Variants in DACH1 observed in about 807,000 individuals in gnomAD.
DACH1 encodes the protein dachshund homolog 1.
DACH1 carries 12 observed loss-of-function variants against 54.2 expected under a neutral mutation model. The ratio of observed to expected loss-of-function variants is 0.22; its 90% confidence interval spans 0.14 to 0.36. DACH1 has a LOEUF of 0.36. DACH1 is among the 10% of genes least tolerant of loss of function. The pLI is 1.00. For missense variants in DACH1, 805 were observed against 929.8 expected, an observed-to-expected ratio of 0.87 and a Z score of 1.75; for synonymous variants, 386 against 366.2, an observed-to-expected ratio of 1.05 and a Z score of -0.62.
intron 1 of DACH1, among the ~76,000 whole-genome samples, chr13:71,741,825 T>A (rs936165962): frequency 6.6e-6 from 1 of 152,078 alleles, no homozygotes; most frequent in Non-Finnish European, 1.5e-5. Context: ...AGTCAAAGAA[T>A]GAAACAGAAA....
intron 1 of DACH1, among the ~76,000 whole-genome samples, chr13:71,769,310 G>C (rs1362816883): frequency 6.6e-6 from 1 of 151,412 alleles, no homozygotes; most frequent in Non-Finnish European, 1.5e-5. Context: ...AATCTTCTAG[G>C]TTTATTCTAA....
chr13:71,644,986 A>AC (rs1168187646), intron 2 of DACH1, among the ~76,000 whole-genome samples: 1 of 152,226 alleles, frequency 6.6e-6, no homozygotes, highest in Non-Finnish European at 1.5e-5. Context: ...TGGAAAAAAA[A>AC]AATCAAGTTT....
At chr13:71,816,622 G>GTA (rs1303679976) in intron 1 of DACH1, among the ~76,000 whole-genome samples, 83 of 75,310 alleles carry the variant, frequency 1.1e-3, no homozygotes, top group East Asian at 2.6e-3. Flanking sequence ...ATATACACGT[G>GTA]TATATATACA....
intron 6 of DACH1, among the ~76,000 whole-genome samples, chr13:71,540,702 G>A (rs922008615): frequency 4.3e-4 from 65 of 152,002 alleles, no homozygotes; most frequent in African/African-American, 1.4e-3. Flanking sequence ...ACCTTATAGA[G>A]CTCTGAACAT....
intron 1 of DACH1, among the ~76,000 whole-genome samples, chr13:71,742,497 A>T (rs1390475853): frequency 1.3e-5 from 2 of 152,186 alleles, no homozygotes; most frequent in Non-Finnish European, 2.9e-5. Context: ...GTTAAATATG[A>T]GACATTCCTA....
In DACH1 at chr13:71,440,200, C is replaced by T. The variant is rs886911386; in HGVS notation, c.*455G>A. 1 of 152,084 alleles carries T rather than the reference C, an allele frequency of 6.6e-6. No homozygotes were observed. The highest frequency in any genetic ancestry group is 1.5e-5 in the Non-Finnish European group (1 of 68,060). The allele number at this position is 152,084 out of a possible 1,614,324, so 9.4% of individuals were successfully genotyped here. ...CCTCTATGCCCCCTACAAGTTCATTCGTTCATTCCAAGTGTTCTTGCTGGT... is the reference window on the plus strand; with the variant it reads ...CCTCTATGCCCCCTACAAGTTCATTTGTTCATTCCAAGTGTTCTTGCTGGT... On this transcript the variant is annotated 3_prime_UTR_variant, in exon 11 of 11. Transcript: ENST00000613252.
chr13:71,631,322 T>C (rs542885897), intron 2 of DACH1, among the ~76,000 whole-genome samples: 5 of 152,174 alleles, frequency 3.3e-5, no homozygotes, highest in Admixed American at 6.6e-5. Context: ...TCCCATTCCA[T>C]GGCCCCCAGC....
At chr13:71,600,885 T>C (rs1190044301) in intron 3 of DACH1, among the ~76,000 whole-genome samples, 1 of 152,030 alleles carries the variant, frequency 6.6e-6, no homozygotes, top group Non-Finnish European at 1.5e-5. Flanking sequence ...AAAAATTCAA[T>C]ACATTGCCCT....
chr13:71,786,279 A>G (rs1005811092), intron 1 of DACH1, among the ~76,000 whole-genome samples: 2 of 152,186 alleles, frequency 1.3e-5, no homozygotes, highest in African/African-American at 2.4e-5. Flanking sequence ...TGCCTTGTGT[A>G]TTATAGATCG....
rs1874721330 is a variant in DACH1 at position 71,865,903 on chromosome 13, G to A, written c.848+19C>T. ...GTGGGAAGGGGCGCGGGCGGCGGGGGCTATCCCCCCCGACTCACCTTGCGT... is the reference window on the plus strand; with the variant it reads ...GTGGGAAGGGGCGCGGGCGGCGGGGACTATCCCCCCCGACTCACCTTGCGT... On this transcript the variant is annotated intron_variant, in intron 1 of 10. Coordinates refer to ENST00000613252, the MANE Select transcript of DACH1 (RefSeq NM_080759.6). The A allele has an allele frequency of 1.9e-6, 3 of 1,575,298 alleles. No homozygotes were observed. The highest frequency in any genetic ancestry group is 1.7e-6 in the Non-Finnish European group (2 of 1,159,450).
rs113150742 is a variant in DACH1 at position 71,621,307 on chromosome 13, A to T, written c.1126+9249T>A. On this transcript the variant is annotated intron_variant, in intron 3 of 10. Coordinates refer to ENST00000613252, the MANE Select transcript of DACH1 (RefSeq NM_080759.6). The stretch of plus-strand genomic sequence containing the variant: ...TAGGCCACATTCTTTAGTCTGCAGA[A>T]CCAAAAAGGGAAAAAGTCCCTGTCG... Among the ~76,000 whole-genome samples, 32 of 152,154 alleles carry T rather than the reference A, an allele frequency of 2.1e-4. 1 individual carries two copies. Among genetic ancestry groups the T allele is most frequent in the African/African-American group, 7.5e-4 (31 of 41,526 alleles).
intron 3 of DACH1, among the ~76,000 whole-genome samples, chr13:71,581,341 T>C (rs1192911908): frequency 6.6e-6 from 1 of 152,210 alleles, no homozygotes; most frequent in South Asian, 2.1e-4. Flanking sequence ...CTCAGCTCAC[T>C]GCAACCTCTG....
chr13:71,703,711 A>G (rs1408659300), intron 1 of DACH1, among the ~76,000 whole-genome samples: 1 of 152,328 alleles, frequency 6.6e-6, no homozygotes, highest in South Asian at 2.1e-4. Flanking sequence ...AGGAAACTGC[A>G]TAGGACTAAG....
chr13:71,543,514 T>A (rs542492058), intron 6 of DACH1, among the ~76,000 whole-genome samples: 2 of 152,124 alleles, frequency 1.3e-5, no homozygotes, highest in Non-Finnish European at 2.9e-5. Flanking sequence ...AGAGAGACAT[T>A]GTTAAAATTC....
intron 10 of DACH1, among the ~76,000 whole-genome samples, chr13:71,470,231 T>C (rs956956916): frequency 6.6e-6 from 1 of 152,074 alleles, no homozygotes; most frequent in East Asian, 1.9e-4. Context: ...AAGTTAAAAA[T>C]GCAAACGAAG....
intron 1 of DACH1, among the ~76,000 whole-genome samples, chr13:71,803,748 G>A (rs1021227835): frequency 2.0e-5 from 3 of 152,140 alleles, no homozygotes; most frequent in African/African-American, 7.2e-5. Flanking sequence ...CAAAGAAATA[G>A]TAAGTTTGTA....
At position 71,567,381 on chromosome 13, in the gene DACH1, CA is replaced by C. The variant is rs78022524; in HGVS notation, c.1299+5458del. ...CTTTGCATACTATGCACTACAAACC[CA>C]AAAGTCCTGATTAAAATAAAGCTGC... On this transcript the variant is annotated intron_variant, in intron 4 of 10. Transcript: ENST00000613252. 6.9e-4 allele frequency among the ~76,000 whole-genome samples: 105 copies of C among 151,674 alleles called. 2 individuals are homozygous for C. The East Asian group carries it at 0.017, about 24-fold the overall frequency.
At chr13:71,736,368 T>C (rs1263465862) in intron 1 of DACH1, among the ~76,000 whole-genome samples, 1 of 152,010 alleles carries the variant, frequency 6.6e-6, no homozygotes, top group African/African-American at 2.4e-5. Context: ...TAAAGCATAA[T>C]GACAAAGGCC....
At chr13:71,548,455 C>A (rs1274729874) in intron 6 of DACH1, among the ~76,000 whole-genome samples, 1 of 152,088 alleles carries the variant, frequency 6.6e-6, no homozygotes, top group Non-Finnish European at 1.5e-5. Context: ...GAACTTTTAA[C>A]AGTCATTTTT....
Sources: allele counts gnomAD v4.1 joint callset (sites outside exome capture counted in the v4.1 genomes callset), GRCh38; gene constraint gnomAD v4.1.1; transcripts MANE v1.5; gene names NCBI Gene and HGNC (gene_info 2026-07-23, HGNC 2026-07-21).